CNTN5: variants seen among roughly 807,000 people sequenced by gnomAD.
CNTN5 encodes contactin-5.
A neutral mutation model predicts 129.1 loss-of-function variants in CNTN5; 77 were observed. That is an observed-to-expected ratio of 0.60 (90% CI 0.50 to 0.72). The LOEUF is 0.72. Among genes scored for constraint, CNTN5 ranks in the 30% least tolerant of loss-of-function variants. The pLI is 0.00. For synonymous variants in CNTN5, 509 were observed against 465.6 expected (o/e 1.09, Z -1.20); for missense variants, 1,478 against 1,328.8 (o/e 1.11, Z -1.75).
chr11:100,230,668 A>T lies in CNTN5; in HGVS notation c.2005+5856A>T, dbSNP rs1949468914. Among the ~76,000 whole-genome samples, 5 of 152,314 alleles carry T rather than the reference A, an allele frequency of 3.3e-5. No homozygotes were observed. The South Asian group carries it at 1.0e-3, about 32-fold the overall frequency. On this transcript the variant is annotated intron_variant, in intron 16 of 24. Coordinates refer to ENST00000524871, the MANE Select transcript of CNTN5 (RefSeq NM_014361.4). ...TGCACACAGACAACCAATCAATACA[A>T]ACTAAATCTCTTGTATTTTATTCCC...
chr11:100,316,683 A>C (rs566953226), intron 21 of CNTN5, among the ~76,000 whole-genome samples: 21 of 152,334 alleles, frequency 1.4e-4, no homozygotes, highest in African/African-American at 4.8e-4. Context: ...TTTTTAAAAC[A>C]TTCATATTTC....
chr11:99,846,865 G>T (rs1003940125), intron 6 of CNTN5, among the ~76,000 whole-genome samples: 5 of 152,066 alleles, frequency 3.3e-5, no homozygotes, highest in Non-Finnish European at 7.4e-5. Flanking sequence ...AAGGAATTCA[G>T]ATAGGTACAT....
chr11:99,029,430 G>C (rs970043484), intron 1 of CNTN5, among the ~76,000 whole-genome samples: 6 of 151,896 alleles, frequency 4.0e-5, no homozygotes, highest in Non-Finnish European at 5.9e-5. Context: ...CACTGACATT[G>C]AAAAGATGGA....
intron 3 of CNTN5, among the ~76,000 whole-genome samples, chr11:99,789,488 T>C (rs1292714006): frequency 6.6e-6 from 1 of 152,026 alleles, no homozygotes; most frequent in Non-Finnish European, 1.5e-5. Flanking sequence ...TAAACTATCA[T>C]GGAATAAACT....
chr11:99,588,639 A>C (rs1192100223), intron 3 of CNTN5, among the ~76,000 whole-genome samples: 1 of 152,144 alleles, frequency 6.6e-6, no homozygotes, highest in Non-Finnish European at 1.5e-5. Flanking sequence ...ATTTTATTTA[A>C]TACGTTAAAG....
intron 7 of CNTN5, among the ~76,000 whole-genome samples, chr11:99,945,489 C>CGTGTGTGTGTGTGT (rs3990615): frequency 8.7e-5 from 13 of 148,892 alleles, no homozygotes; most frequent in Non-Finnish European, 1.6e-4. Context: ...AACCTCTGTG[C>CGTGTGTGTGTGTGT]GTGTGTGTGT....
chr11:99,241,106 ATCTT>A (rs1298726259), intron 1 of CNTN5, among the ~76,000 whole-genome samples: 2 of 152,122 alleles, frequency 1.3e-5, no homozygotes, highest in Admixed American at 1.3e-4. Context: ...AGTAGAATTA[ATCTT>A]TCTTTGTTTC....
chr11:100,172,268 GA>G (rs141351161), intron 13 of CNTN5, among the ~76,000 whole-genome samples: 226 of 148,146 alleles, frequency 1.5e-3, no homozygotes, highest in African/African-American at 5.1e-3. Flanking sequence ...CCTTCATGGG[GA>G]AAAAAAAAAT....
At chr11:99,216,306 G>C (rs1860112251) in intron 1 of CNTN5, among the ~76,000 whole-genome samples, 1 of 152,010 alleles carries the variant, frequency 6.6e-6, no homozygotes, top group Admixed American at 6.6e-5. Context: ...AATTCTATCT[G>C]TGTTGTTGCA....
chr11:99,672,645 A>C (rs1226315924), intron 3 of CNTN5, among the ~76,000 whole-genome samples: 1 of 150,174 alleles, frequency 6.7e-6, no homozygotes, highest in Non-Finnish European at 1.5e-5. Context: ...CAACTAGATC[A>C]CCTGCCTCTG....
At chr11:100,136,077 G>C (rs774429457) in intron 13 of CNTN5, among the ~76,000 whole-genome samples, 1 of 152,030 alleles carries the variant, frequency 6.6e-6, no homozygotes, top group Non-Finnish European at 1.5e-5. Flanking sequence ...TCTTAACTTT[G>C]GAATAATGTT....
At chr11:99,826,379 C>A (rs930153791) in intron 4 of CNTN5, among the ~76,000 whole-genome samples, 1 of 152,156 alleles carries the variant, frequency 6.6e-6, no homozygotes, top group Non-Finnish European at 1.5e-5. Context: ...CTTCTTTCAT[C>A]TTTGCAAGTC....
At chr11:99,770,717 A>C (rs574298686) in intron 3 of CNTN5, among the ~76,000 whole-genome samples, 1 of 151,960 alleles carries the variant, frequency 6.6e-6, no homozygotes, top group Non-Finnish European at 1.5e-5. Flanking sequence ...TGTAAATGGG[A>C]TTTGTTTTCT....
chr11:99,273,996 TACATTTAA>T (rs1863303327), intron 1 of CNTN5, among the ~76,000 whole-genome samples: 2 of 151,762 alleles, frequency 1.3e-5, no homozygotes, highest in Non-Finnish European at 2.9e-5. Flanking sequence ...CTTTCACATT[TACATTTAA>T]ACTAATTAAA....
chr11:99,722,192 T>C (rs1458758051), intron 3 of CNTN5, among the ~76,000 whole-genome samples: 1 of 152,204 alleles, frequency 6.6e-6, no homozygotes, highest in South Asian at 2.1e-4. Context: ...GAATGTTCAC[T>C]GCAGTATTAT....
At chr11:99,586,831 CATA>C (rs1949808333) in intron 3 of CNTN5, among the ~76,000 whole-genome samples, 1 of 152,104 alleles carries the variant, frequency 6.6e-6, no homozygotes, top group Non-Finnish European at 1.5e-5. Flanking sequence ...TCCAACAAGA[CATA>C]ATATTTTAAC....
At chr11:100,010,510 CG>C (rs1940464349) in intron 9 of CNTN5, among the ~76,000 whole-genome samples, 1 of 151,970 alleles carries the variant, frequency 6.6e-6, no homozygotes, top group African/African-American at 2.4e-5. Context: ...CAGGGGCTAT[CG>C]AGCTGACAGG....
chr11:99,651,431 C>G (rs1363113647), intron 3 of CNTN5, among the ~76,000 whole-genome samples: 1 of 151,822 alleles, frequency 6.6e-6, no homozygotes, highest in African/African-American at 2.4e-5. Context: ...GATAGAAATT[C>G]TAATCTGTGG....
intron 21 of CNTN5, among the ~76,000 whole-genome samples, chr11:100,312,726 T>C (rs761769761): frequency 5.9e-5 from 9 of 152,042 alleles, no homozygotes; most frequent in Non-Finnish European, 1.2e-4. Context: ...TTTCTAGCCA[T>C]AATTTTAACT....
Sources: gnomAD v4.1 joint callset for allele counts (sites outside exome capture counted in the v4.1 genomes callset) on GRCh38, gnomAD v4.1.1 for gene constraint, MANE v1.5 for transcripts, NCBI Gene and HGNC (gene_info 2026-07-23, HGNC 2026-07-21) for gene names.